Variants in PPA2 observed in about 807,000 individuals in gnomAD.
The protein encoded by PPA2 is inorganic pyrophosphatase 2, mitochondrial.
PPA2 carries 48 observed loss-of-function variants against 49.5 expected under a neutral mutation model. The ratio of observed to expected loss-of-function variants is 0.97; its 90% confidence interval spans 0.77 to 1.23. The LOEUF is 1.23. Ranked by LOEUF, PPA2 falls within the 50% of genes most tolerant of loss-of-function variation. The pLI is 0.00. For synonymous variants in PPA2, 131 were observed against 139.9 expected, an observed-to-expected ratio of 0.94 and a Z score of 0.45; for missense variants, 429 against 410.1, an observed-to-expected ratio of 1.05 and a Z score of -0.40.
intron 7 of PPA2, among the ~76,000 whole-genome samples, chr4:105,411,038 C>T (rs1324751705): frequency 1.3e-5 from 2 of 152,094 alleles, no homozygotes; most frequent in Admixed American, 6.6e-5. Context: ...AACATTATAA[C>T]GACAGGACTA....
chr4:105,449,422 C>T lies in PPA2; in HGVS notation c.268-19G>A. On this transcript the variant is annotated intron_variant, in intron 3 of 11. Coordinates refer to ENST00000341695, the MANE Select transcript of PPA2 (RefSeq NM_176869.3). ...ACAGATTCTGCAGTTAAAAACAAAA[C>T]AAAGAGAGAACATTAAAAATTTTAC... 1 of 1,505,596 alleles carries T rather than the reference C, an allele frequency of 6.6e-7. No individual in the cohort carries two copies. 93.3% of individuals were successfully genotyped at this position (1,505,596 alleles called of 1,614,324 possible). A position where few individuals can be genotyped will look rare whatever the true frequency, so the allele number is the denominator to read the frequency against.
At chr4:105,397,032 A>C (rs72964235) in intron 8 of PPA2, among the ~76,000 whole-genome samples, 5 of 152,194 alleles carry the variant, frequency 3.3e-5, no homozygotes, top group African/African-American at 1.2e-4. Context: ...CTCTTGTTGG[A>C]TATACATCCA....
chr4:105,425,021 T>C (rs1294857987), intron 6 of PPA2, among the ~76,000 whole-genome samples: 1 of 152,204 alleles, frequency 6.6e-6, no homozygotes, highest in Non-Finnish European at 1.5e-5. Flanking sequence ...CATGCATTAA[T>C]GGTAGGACTA....
intron 5 of PPA2, among the ~76,000 whole-genome samples, chr4:105,442,006 CTTT>C (rs11429892): frequency 1.1e-4 from 16 of 144,012 alleles, no homozygotes; most frequent in East Asian, 2.0e-4. Context: ...ACTACCATCA[CTTT>C]TTTTTTTTTT....
chr4:105,463,350 G>A (rs1166206947), intron 1 of PPA2, among the ~76,000 whole-genome samples: 1 of 152,140 alleles, frequency 6.6e-6, no homozygotes, highest in Non-Finnish European at 1.5e-5. Context: ...ATGATTTAGG[G>A]TATCTAGTGG....
intron 5 of PPA2, among the ~76,000 whole-genome samples, chr4:105,445,058 G>A (rs1724539126): frequency 6.6e-6 from 1 of 152,126 alleles, no homozygotes; most frequent in South Asian, 2.1e-4. Flanking sequence ...CTTATTATGA[G>A]GCCTTGATGT....
chr4:105,443,509 G>T (rs918805831), intron 5 of PPA2, among the ~76,000 whole-genome samples: 5 of 148,700 alleles, frequency 3.4e-5, no homozygotes, highest in African/African-American at 1.2e-4. Flanking sequence ...CAATTGGCAT[G>T]ATTTCAGCAT....
intron 9 of PPA2, among the ~76,000 whole-genome samples, chr4:105,390,420 A>T (rs111369513): frequency 3.3e-5 from 5 of 152,150 alleles, no homozygotes; most frequent in African/African-American, 1.2e-4. Context: ...TACCTGACAA[A>T]GGTCTAGTAT....
intron 1 of PPA2, among the ~76,000 whole-genome samples, chr4:105,460,506 C>A (rs190043379): frequency 6.6e-6 from 1 of 152,096 alleles, no homozygotes; most frequent in Non-Finnish European, 1.5e-5. Flanking sequence ...GCTCTTATTC[C>A]AAGAACAATC....
At chr4:105,379,367 C>CTA (rs1467553810) in intron 10 of PPA2, among the ~76,000 whole-genome samples, 1 of 150,408 alleles carries the variant, frequency 6.6e-6, no homozygotes, top group African/African-American at 2.5e-5. Context: ...GTATATATAT[C>CTA]TATATATATA....
chr4:105,457,558 T>C (rs1412377615), intron 1 of PPA2, among the ~76,000 whole-genome samples: 2 of 152,148 alleles, frequency 1.3e-5, no homozygotes, highest in Non-Finnish European at 2.9e-5. Context: ...TAAATCCCAA[T>C]AGCAATGAGC....
intron 4 of PPA2, 119 bp from the exon 5 acceptor site, chr4:105,446,621 G>C: frequency 8.3e-7 from 1 of 1,198,294 alleles, no homozygotes; most frequent in Non-Finnish European, 1.2e-6. Context: ...TCAACTTAAT[G>C]ATCAAAGATG....
chr4:105,472,802 A>G (rs767469073), intron 1 of PPA2, among the ~76,000 whole-genome samples: 4 of 152,234 alleles, frequency 2.6e-5, no homozygotes, highest in Non-Finnish European at 4.4e-5. Context: ...AATCTCTCAT[A>G]AATTACAAAT....
chr4:105,372,067 G>T (rs1041677540), intron 10 of PPA2, among the ~76,000 whole-genome samples: 1 of 152,174 alleles, frequency 6.6e-6, no homozygotes, highest in Non-Finnish European at 1.5e-5. Context: ...ATAGAGTCAG[G>T]AGCGTGGACC....
intron 9 of PPA2, among the ~76,000 whole-genome samples, chr4:105,394,735 T>C (rs1454723094): frequency 1.3e-5 from 2 of 152,190 alleles, no homozygotes; most frequent in African/African-American, 4.8e-5. Context: ...TCAAGCTATA[T>C]ATATACTAAC....
chr4:105,454,148 G>C (rs78981616), intron 2 of PPA2, among the ~76,000 whole-genome samples: 4,568 of 152,136 alleles, frequency 0.03, 208 homozygotes, highest in African/African-American at 0.094. Flanking sequence ...AACTGACTTC[G>C]TGGTGGGTTG....
intron 1 of PPA2, among the ~76,000 whole-genome samples, chr4:105,458,846 G>C (rs1167657155): frequency 9.2e-6 from 1 of 108,178 alleles, no homozygotes; most frequent in African/African-American, 3.5e-5. Context: ...AAAAAAAAAA[G>C]GCATGTAACT....
At chr4:105,445,914 T>C (rs1413903546) in intron 5 of PPA2, among the ~76,000 whole-genome samples, 1 of 147,604 alleles carries the variant, frequency 6.8e-6, no homozygotes, top group Admixed American at 6.6e-5. Context: ...TATTAACTCA[T>C]AACAGTAAAT....
rs780360531 is a variant in PPA2 at position 105,449,416 on chromosome 4, A to G, written c.268-13T>C. 1.3e-6 allele frequency: 2 copies of G among 1,538,792 alleles called. No homozygotes were observed. Among genetic ancestry groups the G allele is most frequent in the South Asian group, 2.3e-5 (2 of 85,240 alleles). On this transcript the variant is annotated splice_polypyrimidine_tract_variant and intron_variant, in intron 3 of 11. Coordinates refer to ENST00000341695, the MANE Select transcript of PPA2 (RefSeq NM_176869.3). ...TATTAAACAGATTCTGCAGTTAAAA[A>G]CAAAACAAAGAGAGAACATTAAAAA...
Sources: gnomAD v4.1 joint callset for allele counts (sites outside exome capture counted in the v4.1 genomes callset) on GRCh38, gnomAD v4.1.1 for gene constraint, MANE v1.5 for transcripts, NCBI Gene and HGNC (gene_info 2026-07-23, HGNC 2026-07-21) for gene names.